Variants in R3HDM1 observed in about 807,000 individuals in gnomAD.
R3HDM1 encodes the protein R3H domain-containing protein 1.
R3HDM1 carries 46 observed loss-of-function variants against 141.1 expected under a neutral mutation model. The observed-to-expected ratio is 0.33, with a 90% CI of 0.26 to 0.42. R3HDM1 has a LOEUF of 0.42. Among genes scored for constraint, R3HDM1 ranks in the 10% least tolerant of loss-of-function variants. The pLI is 1.00. For synonymous variants in R3HDM1, 435 were observed against 472.9 expected, an observed-to-expected ratio of 0.92 and a Z score of 1.04; for missense variants, 1,184 against 1,368.3, an observed-to-expected ratio of 0.87 and a Z score of 2.12.
At chr2:135,643,203 C>T (rs2105253508) in intron 15 of R3HDM1, among the ~76,000 whole-genome samples, 1 of 152,244 alleles carries the variant, frequency 6.6e-6, no homozygotes, top group Middle Eastern at 3.4e-3. Context: ...ACCGCCTTCA[C>T]CCAAATCTGC....
chr2:135,624,128 G>T lies in R3HDM1; in HGVS notation c.497+1396G>T, dbSNP rs1021929579. Among the ~76,000 whole-genome samples, 3 of 152,206 alleles carry T rather than the reference G, an allele frequency of 2.0e-5. No homozygotes were observed. The South Asian group carries it at 6.2e-4, about 32-fold the overall frequency. ...GTGATGGTAAAGGTCGGGCGCAGTG[G>T]CTCACGCTTGTAATCCCAGCACTTT... is the stretch of plus-strand genomic sequence containing the variant. On this transcript the variant is annotated intron_variant, in intron 7 of 26. Transcript: ENST00000683871.
intron 1 of R3HDM1, among the ~76,000 whole-genome samples, chr2:135,594,867 C>G (rs1276380938): frequency 6.6e-6 from 1 of 152,074 alleles, no homozygotes; most frequent in Non-Finnish European, 1.5e-5. Context: ...GACAACCTTC[C>G]TCTAACTTCG....
chr2:135,585,354 C>A (rs1317932069), intron 1 of R3HDM1, among the ~76,000 whole-genome samples: 1 of 152,164 alleles, frequency 6.6e-6, no homozygotes, highest in Non-Finnish European at 1.5e-5. Context: ...TGTGTAAACT[C>A]TACATGACTT....
intron 1 of R3HDM1, among the ~76,000 whole-genome samples, chr2:135,541,851 T>TAA (rs10558924): frequency 0.011 from 1,347 of 121,890 alleles, 10 homozygotes; most frequent in South Asian, 0.016. Context: ...TTCAATTTGT[T>TAA]AAAAAAAAAA....
At position 135,680,299 on chromosome 2, in the gene R3HDM1, C is replaced by A. The variant is rs746748622; in HGVS notation, c.2434C>A (p.Pro812Thr). 11 of 1,613,852 alleles carry A rather than the reference C, an allele frequency of 6.8e-6. No individual in the cohort carries two copies. The South Asian group carries it at 1.2e-4, about 18-fold the overall frequency. ...AATGCCTGTTTACTATAGTGTCATT[C>A]CACCTGGTCAACAAAACAATTTAAG... ...TGMPVYYSVI[P>T]PGQQNNLSSS... The change falls in exon 21 of 27, where the codon CCA (proline) becomes ACA (threonine). Residue 812 changes from proline (P) to threonine (T), a missense_variant. Physicochemically the swap from Pro to Thr is conservative, Grantham distance 38. Around this residue, in one of 5 missense-constraint regions of R3HDM1, gnomAD observed 563 missense variants for 562.0 expected, o/e 1.00. Transcript: ENST00000683871.
chr2:135,573,508 G>T (rs562721116), intron 1 of R3HDM1, among the ~76,000 whole-genome samples: 129 of 151,646 alleles, frequency 8.5e-4, no homozygotes, highest in African/African-American at 2.7e-3. Context: ...GCCAGAAGAA[G>T]TCCATCCTAA....
chr2:135,647,191 C>T (rs1449148647), intron 16 of R3HDM1, among the ~76,000 whole-genome samples: 1 of 152,172 alleles, frequency 6.6e-6, no homozygotes, highest in African/African-American at 2.4e-5. Context: ...ATTCCCTTCC[C>T]AATCCCATTT....
intron 23 of R3HDM1, among the ~76,000 whole-genome samples, chr2:135,710,443 T>A (rs2075489163): frequency 6.6e-6 from 1 of 151,938 alleles, no homozygotes; most frequent in South Asian, 2.1e-4. Context: ...CATGGTGAAA[T>A]CCCATCTCTA....
chr2:135,628,615 CTTGT>C (rs112512085), intron 7 of R3HDM1, among the ~76,000 whole-genome samples: 26 of 152,054 alleles, frequency 1.7e-4, no homozygotes, highest in South Asian at 4.2e-4. Context: ...TGCCTCCTTT[CTTGT>C]TTGTTTGTTT....
intron 1 of R3HDM1, among the ~76,000 whole-genome samples, chr2:135,587,825 CT>C (rs1447178082): frequency 2.0e-5 from 3 of 151,992 alleles, no homozygotes; most frequent in Non-Finnish European, 1.5e-5. Context: ...CCCTCCCTCT[CT>C]TTTTCTGTTT....
intron 3 of R3HDM1, among the ~76,000 whole-genome samples, chr2:135,613,794 C>T (rs760307828): frequency 6.6e-6 from 1 of 152,098 alleles, no homozygotes; most frequent in South Asian, 2.1e-4. Flanking sequence ...CCAGCCTGGG[C>T]GACAGAGTGA....
intron 21 of R3HDM1, among the ~76,000 whole-genome samples, chr2:135,701,240 A>C (rs1418808407): frequency 6.6e-6 from 1 of 151,174 alleles, no homozygotes; most frequent in South Asian, 2.1e-4. Flanking sequence ...AAAAAAAAAA[A>C]AAAACTATAA....
intron 7 of R3HDM1, among the ~76,000 whole-genome samples, chr2:135,628,592 A>T (rs2062292075): frequency 6.6e-6 from 1 of 152,162 alleles, no homozygotes; most frequent in African/African-American, 2.4e-5. Flanking sequence ...TGTTTTATGA[A>T]CTCCAAATAA....
At chr2:135,661,865 A>G (rs1188531916) in intron 19 of R3HDM1, among the ~76,000 whole-genome samples, 1 of 152,222 alleles carries the variant, frequency 6.6e-6, no homozygotes, top group Non-Finnish European at 1.5e-5. Context: ...TGTACTTAGC[A>G]TATTTTCTGT....
chr2:135,586,575 C>A, intron 1 of R3HDM1: 1 of 398,382 alleles, frequency 2.5e-6, no homozygotes, highest in Non-Finnish European at 3.4e-6. Context: ...TTCATGTTCA[C>A]TTAGTACCAT....
At chr2:135,688,925 G>C (rs1053617529) in intron 21 of R3HDM1, among the ~76,000 whole-genome samples, 8 of 152,178 alleles carry the variant, frequency 5.3e-5, no homozygotes, top group Non-Finnish European at 7.3e-5. Flanking sequence ...GACAGAGCGA[G>C]ACTCCTTCTC....
In R3HDM1 at chr2:135,649,903, C is replaced by A; in HGVS notation, c.1625C>A (p.Pro542His). 8.0e-7 allele frequency: 1 copy of A among 1,251,848 alleles called. No homozygotes were observed. Among genetic ancestry groups the A allele is most frequent in the Non-Finnish European group, 1.0e-6 (1 of 962,004 alleles). The allele number at this position is 1,251,848 out of a possible 1,614,324, so 77.5% of individuals were successfully genotyped here. A position where few individuals can be genotyped will look rare whatever the true frequency, so the allele number is the denominator to read the frequency against. Residue 542 changes from proline to histidine, a missense_variant and splice_region_variant, in exon 17 of 27, where the codon CCT becomes CAT. By Grantham distance (77) the Pro-to-His change is moderately conservative. Around this residue, in one of 5 missense-constraint regions of R3HDM1, gnomAD observed 563 missense variants for 562.0 expected, o/e 1.00. Coordinates refer to ENST00000683871, the MANE Select transcript of R3HDM1 (RefSeq NM_001378107.1). ...QPAANHIFSQ[P>H]VHPLQSSSQP... The stretch of plus-strand genomic sequence containing the variant: ...GTTTGCCAACCTGTTATTCTTTAGC[C>A]TGTTCATCCTCTGCAGTCCTCTTCA...
intron 21 of R3HDM1, among the ~76,000 whole-genome samples, chr2:135,692,157 A>T (rs1245076815): frequency 1.3e-5 from 2 of 150,830 alleles, no homozygotes; most frequent in African/African-American, 4.9e-5. Context: ...TGATCCGCCC[A>T]CCTCAGCCTC....
chr2:135,723,342 C>T (rs1183564983), intron 26 of R3HDM1, among the ~76,000 whole-genome samples: 2 of 151,032 alleles, frequency 1.3e-5, no homozygotes, highest in African/African-American at 2.4e-5. Context: ...AGGCTGGTCT[C>T]GAACTCCAGA....
Sources: allele counts gnomAD v4.1 joint callset (sites outside exome capture counted in the v4.1 genomes callset), GRCh38; gene constraint gnomAD v4.1.1; regional missense constraint gnomAD v4.1.1; transcripts MANE v1.5; gene names NCBI Gene and HGNC (gene_info 2026-07-23, HGNC 2026-07-21).